GHR: variants seen among roughly 807,000 people sequenced by gnomAD.
GHR encodes the protein growth hormone receptor.
A neutral mutation model predicts 67.1 loss-of-function variants in GHR; 35 were observed. The ratio of observed to expected loss-of-function variants is 0.52; its 90% CI spans 0.40 to 0.69. GHR has a LOEUF of 0.69. Ranked by LOEUF, GHR falls within the 30% of genes least tolerant of loss-of-function variation. The probability of loss-of-function intolerance (pLI) is 0.00; values close to 1 mark genes in which losing one functional copy is unlikely to be tolerated. For synonymous variants in GHR, 272 were observed against 269.1 expected (o/e 1.01, Z -0.10); for missense variants, 792 against 764.6 (o/e 1.04, Z -0.42).
chr5:42,482,352 T>A (rs1745682359), intron 1 of GHR, among the ~76,000 whole-genome samples: 1 of 152,234 alleles, frequency 6.6e-6, no homozygotes, highest in African/African-American at 2.4e-5. Context: ...GGAGGCAGTC[T>A]GCCTGTTCTC....
At chr5:42,542,035 A>G (rs1332941933) in intron 1 of GHR, among the ~76,000 whole-genome samples, 1 of 152,234 alleles carries the variant, frequency 6.6e-6, no homozygotes, top group African/African-American at 2.4e-5. Flanking sequence ...TTTGGACAAC[A>G]TCATCATATA....
intron 2 of GHR, among the ~76,000 whole-genome samples, chr5:42,583,900 T>TATATATATATATATATATATA (rs1481330746): frequency 6.7e-6 from 1 of 149,318 alleles, no homozygotes; most frequent in Admixed American, 6.7e-5. Flanking sequence ...TATATATAAA[T>TATATATATATATATATATATA]TCTTACAGTT....
rs114091504 is a variant in GHR at position 42,632,242 on chromosome 5, C to T, written c.136+3139C>T. Among the ~76,000 whole-genome samples, 566 of 152,226 alleles carry T rather than the reference C, an allele frequency of 3.7e-3. 1 individual carries two copies. Among genetic ancestry groups the T allele is most frequent in the African/African-American group, 0.013 (548 of 41,546 alleles). On this transcript the variant is annotated intron_variant, in intron 3 of 9. Transcript: ENST00000230882. The stretch of plus-strand genomic sequence containing the variant: ...TCCTCTGGTACACTGCTCATGTCAT[C>T]GAATCTATCTTCCTCCCACCCCATC...
rs762348794 is a variant in GHR at position 42,719,129 on chromosome 5, A to G, written c.1622A>G (p.Lys541Arg). ...GCCTACTTCTGTGAGGCAGATGCCA[A>G]AAAGTGCATCCCTGTGGCTCCTCAC... ...DNAYFCEADA[K>R]KCIPVAPHIK... The change falls in exon 10 of 10, where the codon AAA (lysine) becomes AGA (arginine). Residue 541 changes from lysine to arginine, a missense_variant. Coordinates refer to ENST00000230882, the MANE Select transcript of GHR (RefSeq NM_000163.5). 1.9e-6 allele frequency: 3 copies of G among 1,614,016 alleles called. No individual in the cohort carries two copies. The highest frequency in any genetic ancestry group is 1.7e-5 in the Admixed American group (1 of 59,994).
chr5:42,487,148 C>T (rs965098456), intron 1 of GHR, among the ~76,000 whole-genome samples: 1 of 152,162 alleles, frequency 6.6e-6, no homozygotes, highest in Non-Finnish European at 1.5e-5. Context: ...ACTTTGCATT[C>T]TAATGATGTT....
rs1758972775 is a variant in GHR at position 42,720,605 on chromosome 5, GA to G, written c.*1184del. ...CTGGGTAATGAAACAAAGAGTTCAA[GA>G]AATAAGTTTTTGTTTCACAGCCTAT... On this transcript the variant is annotated 3_prime_UTR_variant, in exon 10 of 10. Coordinates refer to ENST00000230882, the MANE Select transcript of GHR (RefSeq NM_000163.5). 6.6e-6 allele frequency: 1 copy of G among 152,186 alleles called. No homozygotes were observed. The highest frequency in any genetic ancestry group is 2.4e-5 in the African/African-American group (1 of 41,456). 9.4% of individuals were successfully genotyped at this position (152,186 alleles called of 1,614,324 possible).
In GHR at chr5:42,468,839, T is replaced by C. The variant is rs1744866372; in HGVS notation, c.-12+44884T>C. 24 of 989,204 alleles carry C rather than the reference T, an allele frequency of 2.4e-5. No homozygotes were observed. The South Asian group carries it at 3.3e-4, about 14-fold the overall frequency. The allele number at this position is 989,204 out of a possible 1,614,324, so 61.3% of individuals were successfully genotyped here. ...TCGAATCGGTTGGTGACCAGGCAGC[T>C]GAAGCCTTCCTGTAACTGCCCAGGC... On this transcript the variant is annotated intron_variant, in intron 1 of 9. Transcript: ENST00000230882.
At chr5:42,672,641 T>C (rs948653747) in intron 3 of GHR, among the ~76,000 whole-genome samples, 1 of 152,156 alleles carries the variant, frequency 6.6e-6, no homozygotes, top group Non-Finnish European at 1.5e-5. Context: ...TTTCACCATA[T>C]ACAAAAATTA....
chr5:42,550,047 G>C, intron 1 of GHR: 1 of 943,068 alleles, frequency 1.1e-6, no homozygotes, highest in Non-Finnish European at 1.3e-6. Flanking sequence ...GCCCGCACTT[G>C]TTATGATTTG....
chr5:42,537,011 C>T (rs1210352492), intron 1 of GHR, among the ~76,000 whole-genome samples: 1 of 151,876 alleles, frequency 6.6e-6, no homozygotes, highest in East Asian at 1.9e-4. Flanking sequence ...TGTAGTATCC[C>T]CCATTTTGTT....
At chr5:42,565,791 C>A (rs1388541318) in intron 1 of GHR, 73 bp from the exon 2 acceptor site, 11 of 1,612,236 alleles carry the variant, frequency 6.8e-6, no homozygotes, top group Admixed American at 1.7e-5. Flanking sequence ...CTTACCCAGT[C>A]TTTAAACAGT....
intron 2 of GHR, among the ~76,000 whole-genome samples, chr5:42,582,812 G>A (rs529445098): frequency 1.1e-4 from 16 of 152,306 alleles, no homozygotes; most frequent in East Asian, 7.7e-4. Flanking sequence ...AGCCATTTGC[G>A]TACATCAGAT....
chr5:42,441,590 A>G (rs1457002688), intron 1 of GHR, among the ~76,000 whole-genome samples: 2 of 152,066 alleles, frequency 1.3e-5, no homozygotes, highest in African/African-American at 4.8e-5. Context: ...GCTCACTGCA[A>G]GCTCCGCCTC....
intron 2 of GHR, among the ~76,000 whole-genome samples, chr5:42,616,940 G>C (rs764708154): frequency 2.0e-5 from 3 of 151,968 alleles, no homozygotes; most frequent in Non-Finnish European, 4.4e-5. Flanking sequence ...ATATGAACAG[G>C]TTTAGTGGAA....
At chr5:42,568,990 A>G (rs184508510) in intron 2 of GHR, among the ~76,000 whole-genome samples, 65 of 152,336 alleles carry the variant, frequency 4.3e-4, no homozygotes, top group Non-Finnish European at 7.9e-4. Flanking sequence ...TTGTATATTA[A>G]CTATCAAAAT....
chr5:42,716,660 T>C (rs867243368), intron 8 of GHR, among the ~76,000 whole-genome samples: 3 of 152,236 alleles, frequency 2.0e-5, no homozygotes, highest in Non-Finnish European at 2.9e-5. Flanking sequence ...GTAGTTATTA[T>C]TAATAATTTG....
intron 1 of GHR, among the ~76,000 whole-genome samples, chr5:42,562,404 A>G (rs754264349): frequency 2.0e-5 from 3 of 151,978 alleles, no homozygotes; most frequent in Non-Finnish European, 2.9e-5. Flanking sequence ...ACATTTTTTT[A>G]TCCTCCTCCT....
At chr5:42,565,444 T>G in intron 1 of GHR, 9 of 984,510 alleles carry the variant, frequency 9.1e-6, no homozygotes, top group Non-Finnish European at 1.1e-5. Context: ...ATGATTGTTA[T>G]GTTTTTCCTT....
intron 3 of GHR, among the ~76,000 whole-genome samples, chr5:42,651,295 G>A (rs1561197814): frequency 1.3e-5 from 2 of 152,140 alleles, no homozygotes; most frequent in South Asian, 4.1e-4. Flanking sequence ...CCTGTGTATA[G>A]CCTTTCCAAC....
Sources: allele counts gnomAD v4.1 joint callset (sites outside exome capture counted in the v4.1 genomes callset), GRCh38; gene constraint gnomAD v4.1.1; transcripts MANE v1.5; gene names NCBI Gene and HGNC (gene_info 2026-07-23, HGNC 2026-07-21).